GLI2: variants seen among roughly 807,000 people sequenced by gnomAD.
The protein encoded by GLI2 is GLI family zinc finger 2.
GLI2 carries 22 observed loss-of-function variants against 78.9 expected under a neutral mutation model. That is an observed-to-expected ratio of 0.28 (90% confidence interval 0.20 to 0.40). The LOEUF (loss-of-function observed/expected upper bound fraction) is 0.40. Among genes scored for constraint, GLI2 ranks in the 10% least tolerant of loss-of-function variants. GLI2 has a pLI of 1.00. For missense variants in GLI2, 2,097 were observed against 2,213.2 expected (o/e 0.95, Z 1.05); for synonymous variants, 974 against 963.7 (o/e 1.01, Z -0.20).
intron 1 of GLI2, among the ~76,000 whole-genome samples, chr2:120,784,538 G>A (rs529822247): frequency 2.6e-5 from 4 of 152,126 alleles, no homozygotes; most frequent in South Asian, 2.1e-4. Flanking sequence ...GGTTTTGGGG[G>A]CCCAGATAAG....
chr2:120,833,675 C>A (rs1212973596), intron 2 of GLI2, among the ~76,000 whole-genome samples: 1 of 152,168 alleles, frequency 6.6e-6, no homozygotes, highest in Non-Finnish European at 1.5e-5. Flanking sequence ...CCTCCCACCA[C>A]CGAGGTCAGC....
At chr2:120,842,448 A>G (rs1463767455) in intron 2 of GLI2, among the ~76,000 whole-genome samples, 1 of 152,146 alleles carries the variant, frequency 6.6e-6, no homozygotes, top group Non-Finnish European at 1.5e-5. Context: ...GTATTCCATT[A>G]TGTGGACAGA....
chr2:120,953,418 A>G (rs1418615284), intron 4 of GLI2, among the ~76,000 whole-genome samples: 1 of 152,208 alleles, frequency 6.6e-6, no homozygotes, highest in African/African-American at 2.4e-5. Flanking sequence ...CCTTAATTTC[A>G]GATTTCTGGC....
In GLI2 at chr2:120,988,743, G is replaced by T; in HGVS notation, c.2778G>T (p.Gly926=). ...TGGGGCCGCGGCGTGGCAGCGACGG[G>T]CCGACCTATGGCCACGGCCACGCGG... The part of the protein sequence containing the change: ...RPLGPRRGSD[G]PTYGHGHAGA... The change falls in exon 14 of 14, where the codon GGG becomes GGT. Residue 926 remains glycine, a synonymous_variant. Transcript: ENST00000361492. 1 of 1,211,036 alleles carries T rather than the reference G, an allele frequency of 8.3e-7. No individual in the cohort carries two copies. 75.0% of individuals were successfully genotyped at this position (1,211,036 alleles called of 1,614,324 possible). A position where few individuals can be genotyped will look rare whatever the true frequency, so the allele number is the denominator to read the frequency against.
At chr2:120,791,985 G>T (rs1229575214) in intron 1 of GLI2, among the ~76,000 whole-genome samples, 1 of 152,110 alleles carries the variant, frequency 6.6e-6, no homozygotes, top group Non-Finnish European at 1.5e-5. Flanking sequence ...CACGCATGCC[G>T]CACGACTGAG....
chr2:120,883,676 G>T (rs961067477), intron 2 of GLI2, among the ~76,000 whole-genome samples: 4 of 152,220 alleles, frequency 2.6e-5, no homozygotes, highest in Non-Finnish European at 5.9e-5. Context: ...GAGGCTCAGA[G>T]AAGTGTAATC....
At chr2:120,937,320 G>T (rs1040485209) in intron 3 of GLI2, among the ~76,000 whole-genome samples, 3 of 152,182 alleles carry the variant, frequency 2.0e-5, no homozygotes, top group Non-Finnish European at 4.4e-5. Context: ...TAGCAGTGAA[G>T]TCAGGACTTT....
At chr2:120,928,537 C>T (rs1277966838) in intron 3 of GLI2, among the ~76,000 whole-genome samples, 2 of 152,214 alleles carry the variant, frequency 1.3e-5, no homozygotes, top group Admixed American at 6.5e-5. Flanking sequence ...AGGTGTACAA[C>T]CAGTGCTCGC....
In GLI2 at chr2:120,990,506, C is replaced by A; in HGVS notation, c.4541C>A (p.Pro1514His). 6.2e-7 allele frequency: 1 copy of A among 1,614,112 alleles called. No individual in the cohort carries two copies. The highest frequency in any genetic ancestry group is 2.2e-5 in the East Asian group (1 of 44,856). Residue 1514 changes from proline to histidine, a missense_variant, in exon 14 of 14, where the codon CCC becomes CAC. Physicochemically the swap from Pro to His is moderately conservative, Grantham distance 77. Around this residue, in one of 5 missense-constraint regions of GLI2, gnomAD observed 1,290 missense variants for 1,261.7 expected, o/e 1.02. Coordinates refer to ENST00000361492, the MANE Select transcript of GLI2 (RefSeq NM_001374353.1). Reference protein sequence around the residue: ...HSSLFSGALSPSLLHSLSQNS... With the variant: ...HSSLFSGALSHSLLHSLSQNS... ...AGTTTGTTCTCGGGTGCTCTGAGCCCCAGCCTCCTCCACAGCCTCTCCCAG... is the reference window on the plus strand; with the variant it reads ...AGTTTGTTCTCGGGTGCTCTGAGCCACAGCCTCCTCCACAGCCTCTCCCAG...
At chr2:120,920,530 C>G (rs1679319027) in intron 2 of GLI2, among the ~76,000 whole-genome samples, 1 of 152,206 alleles carries the variant, frequency 6.6e-6, no homozygotes, top group Non-Finnish European at 1.5e-5. Flanking sequence ...ACAAGAAGAC[C>G]ATTACACCCA....
Position 120,990,469 on chromosome 2 carries a change from G to A in GLI2, c.4504G>A (p.Gly1502Ser), listed in dbSNP as rs565831399. The A allele has an allele frequency of 6.2e-6, 10 of 1,613,980 alleles. No individual in the cohort carries two copies. In the South Asian group the frequency reaches 8.8e-5, roughly 14 times the overall value. ...TGACTTCGATGCCATCATGGATGAT[G>A]GCGATCACTCGAGTTTGTTCTCGGG... ...QIDFDAIMDDGDHSSLFSGAL... is the reference protein window; with the variant it reads ...QIDFDAIMDDSDHSSLFSGAL... Residue 1502 changes from glycine (G) to serine (S), a missense_variant, in exon 14 of 14, where the codon GGC becomes AGC. By Grantham distance (56) the Gly-to-Ser change is moderately conservative. Transcript: ENST00000361492.
intron 2 of GLI2, among the ~76,000 whole-genome samples, chr2:120,834,306 T>A (rs1001149787): frequency 2.6e-5 from 4 of 152,008 alleles, no homozygotes; most frequent in Non-Finnish European, 5.9e-5. Flanking sequence ...GCTTCATTGG[T>A]TTTTGTGGAA....
rs760876044 is a variant in GLI2, at chr2:120,989,256, C to G, written c.3291C>G (p.Asp1097Glu). The stretch of plus-strand genomic sequence containing the variant: ...GCCAGCGCAGGATGGTGGCTGCGGA[C>G]TCCAACGTGGGCCCCTCCGCCCCTA... ...LHGQRRMVAA[D>E]SNVGPSAPML... Residue 1097 changes from aspartate to glutamate, a missense_variant, in exon 14 of 14, where the codon GAC (aspartate) becomes GAG (glutamate). Physicochemically the swap from Asp to Glu is conservative, Grantham distance 45 (BLOSUM62 2). Coordinates refer to ENST00000361492, the MANE Select transcript of GLI2 (RefSeq NM_001374353.1). 1.9e-6 allele frequency: 3 copies of G among 1,613,150 alleles called. No homozygotes were observed. The highest frequency in any genetic ancestry group is 3.3e-5 in the Admixed American group (2 of 60,034).
At chr2:120,974,844 A>T in intron 8 of GLI2, 131 bp from the exon 9 acceptor site, 1 of 1,237,262 alleles carries the variant, frequency 8.1e-7, no homozygotes, top group South Asian at 1.2e-5. Flanking sequence ...CACCTGTAAC[A>T]CACACACTTG....
At chr2:120,843,238 A>G (rs1011219733) in intron 2 of GLI2, among the ~76,000 whole-genome samples, 2 of 152,046 alleles carry the variant, frequency 1.3e-5, no homozygotes, top group African/African-American at 4.8e-5. Context: ...AGTCCTCCCA[A>G]CCCTGTTGTT....
intron 2 of GLI2, among the ~76,000 whole-genome samples, chr2:120,883,233 C>A (rs1387660881): frequency 6.6e-6 from 1 of 152,148 alleles, no homozygotes; most frequent in African/African-American, 2.4e-5. Context: ...CACCTGTAAT[C>A]CCAGCAAGTT....
At position 120,800,473 on chromosome 2, in the gene GLI2, T is replaced by TTTTTTATTA. The variant is rs1553449723; in HGVS notation, c.148+3007_148+3008insTTTATTATT. Among the ~76,000 whole-genome samples the TTTTTTATTA allele has an allele frequency of 3.4e-3, 499 of 148,554 alleles. 3 individuals are homozygous for TTTTTTATTA. Among genetic ancestry groups the TTTTTTATTA allele is most frequent in the African/African-American group, 0.011 (461 of 40,610 alleles). On this transcript the variant is annotated intron_variant, in intron 2 of 13. Coordinates refer to ENST00000361492, the MANE Select transcript of GLI2 (RefSeq NM_001374353.1). The surrounding 1 kb of genome is among the most constrained non-coding windows in gnomAD (Gnocchi z 4.1). ...TTTGCTGTCTGGCGGAAAGGGATGA[T>TTTTTTATTA]TTATTATTATTATTATTATTTTATT...
At chr2:120,772,307 C>T (rs906319192) in intron 1 of GLI2, among the ~76,000 whole-genome samples, 1 of 152,166 alleles carries the variant, frequency 6.6e-6, no homozygotes, top group African/African-American at 2.4e-5. Flanking sequence ...GGAGCCTTCC[C>T]TCCCCATCTC....
intron 2 of GLI2, among the ~76,000 whole-genome samples, chr2:120,842,986 T>C (rs1686956172): frequency 6.6e-6 from 1 of 152,230 alleles, no homozygotes; most frequent in South Asian, 2.1e-4. Context: ...GTTGTACAAG[T>C]TGGTGCACCA....
Sources: gnomAD v4.1 joint callset for allele counts (sites outside exome capture counted in the v4.1 genomes callset) on GRCh38, gnomAD v4.1.1 for gene constraint, gnomAD v4.1.1 regional missense constraint, Gnocchi (gnomAD v3.1) non-coding constraint, MANE v1.5 for transcripts, NCBI Gene and HGNC (gene_info 2026-07-23, HGNC 2026-07-21) for gene names.